Variants in VPS13A observed in about 807,000 individuals in gnomAD.
The protein encoded by VPS13A is intermembrane lipid transfer protein VPS13A.
Under a neutral mutation model 390.9 loss-of-function variants are expected in VPS13A, and 264 were observed. That is an observed-to-expected ratio of 0.68 (90% CI 0.61 to 0.75). The LOEUF is 0.75. VPS13A is among the 30% of genes least tolerant of loss of function. The pLI is 0.00. For missense variants in VPS13A, 3,409 were observed against 3,733.9 expected, an observed-to-expected ratio of 0.91 and a Z score of 2.27; for synonymous variants, 1,231 against 1,227.1, an observed-to-expected ratio of 1.00 and a Z score of -0.07.
At chr9:77,373,397 A>G (rs1452258230) in intron 67 of VPS13A, among the ~76,000 whole-genome samples, 3 of 136,312 alleles carry the variant, frequency 2.2e-5, no homozygotes, top group East Asian at 2.1e-4. Context: ...AGGATTCCCT[A>G]TTTAATAAAT....
At chr9:77,394,305 G>A (rs1433628573) in intron 68 of VPS13A, among the ~76,000 whole-genome samples, 1 of 151,606 alleles carries the variant, frequency 6.6e-6, no homozygotes, top group African/African-American at 2.4e-5. Flanking sequence ...GTGCTCAAGC[G>A]ATCCGCCCAC....
At chr9:77,181,087 A>G (rs111854201) in intron 1 of VPS13A, among the ~76,000 whole-genome samples, 2 of 152,356 alleles carry the variant, frequency 1.3e-5, no homozygotes, top group Non-Finnish European at 2.9e-5. Flanking sequence ...TGTTTTATTT[A>G]TAGAAATTGG....
chr9:77,345,279 A>G (rs1262122824), intron 52 of VPS13A, 137 bp downstream of exon 52: 3 of 983,374 alleles, frequency 3.1e-6, no homozygotes, highest in Admixed American at 4.6e-5. Context: ...CCATTAAAAA[A>G]TGTACTTGAA....
chr9:77,367,326 A>T (rs1292655479), intron 61 of VPS13A, among the ~76,000 whole-genome samples: 1 of 152,224 alleles, frequency 6.6e-6, no homozygotes, highest in African/African-American at 2.4e-5. Flanking sequence ...AGTCATAATG[A>T]AGCTTATAGA....
At chr9:77,209,012 A>G (rs1360846941) in intron 5 of VPS13A, among the ~76,000 whole-genome samples, 6 of 152,186 alleles carry the variant, frequency 3.9e-5, no homozygotes, top group South Asian at 2.1e-4. Flanking sequence ...AGGATATTCA[A>G]CTGTTTTACA....
intron 67 of VPS13A, among the ~76,000 whole-genome samples, chr9:77,375,277 G>T (rs1430582899): frequency 1.3e-5 from 2 of 152,030 alleles, no homozygotes; most frequent in Non-Finnish European, 2.9e-5. Flanking sequence ...ATTGAAGGAT[G>T]TACCTGTGAA....
At position 77,340,173 on chromosome 9, in the gene VPS13A, C is replaced by A. The variant is rs1830737547; in HGVS notation, c.6775-5C>A. ...TGTGATGTATTTGGAATATTTTTTT[C>A]CTAGGTTCAACTTATGGTAACTGAT... On this transcript the variant is annotated splice_region_variant and splice_polypyrimidine_tract_variant and intron_variant, in intron 48 of 71. Coordinates refer to ENST00000360280, the MANE Select transcript of VPS13A (RefSeq NM_033305.3). 2 of 1,611,406 alleles carry A rather than the reference C, an allele frequency of 1.2e-6. No individual in the cohort carries two copies.
In VPS13A at chr9:77,313,013, C is replaced by G. The variant is rs1829181002; in HGVS notation, c.4115-979C>G. On this transcript the variant is annotated intron_variant, in intron 35 of 71. Coordinates refer to ENST00000360280, the MANE Select transcript of VPS13A (RefSeq NM_033305.3). The stretch of plus-strand genomic sequence containing the variant: ...TATAGCAGACTTATTTATAGTAGCC[C>G]AAATCTGGAAACAACTCAAATGTTC... Among the ~76,000 whole-genome samples the G allele has an allele frequency of 2.6e-5, 4 of 151,972 alleles. No individual in the cohort carries two copies. In the South Asian group the frequency reaches 8.3e-4, roughly 32 times the overall value.
chr9:77,272,968 T>G (rs1038156427), intron 23 of VPS13A, among the ~76,000 whole-genome samples: 1 of 152,246 alleles, frequency 6.6e-6, no homozygotes, highest in African/African-American at 2.4e-5. Flanking sequence ...GACTTGTGTG[T>G]TCCTCACAGA....
intron 65 of VPS13A, 89 bp from the exon 66 acceptor site, chr9:77,370,801 G>C: frequency 5.2e-6 from 8 of 1,549,548 alleles, no homozygotes; most frequent in Non-Finnish European, 7.1e-6. Flanking sequence ...ATAAAAAGCA[G>C]AACTCTGTAT....
chr9:77,331,954 A>C (rs1243164208), intron 45 of VPS13A, 56 bp from the exon 46 acceptor site: 2 of 1,214,932 alleles, frequency 1.6e-6, no homozygotes, highest in African/African-American at 3.0e-5. Flanking sequence ...TTTTTTTTAC[A>C]CATCTTTAGA....
chr9:77,307,614 TACTA>T (rs1436339461), intron 34 of VPS13A, among the ~76,000 whole-genome samples: 7 of 152,174 alleles, frequency 4.6e-5, no homozygotes, highest in Admixed American at 4.6e-4. Context: ...ATGAGGTGCT[TACTA>T]ACCAAAAAAA....
intron 20 of VPS13A, 71 bp from the exon 21 acceptor site, chr9:77,250,026 A>T: frequency 6.5e-7 from 1 of 1,544,552 alleles, no homozygotes; most frequent in Non-Finnish European, 8.8e-7. Context: ...TTATAAGTCT[A>T]AAAATTAAAC....
intron 68 of VPS13A, among the ~76,000 whole-genome samples, chr9:77,384,186 A>G (rs1197085882): frequency 1.3e-5 from 2 of 151,788 alleles, no homozygotes; most frequent in Non-Finnish European, 3.0e-5. Flanking sequence ...AAAAAGATGT[A>G]TTCACTAAAT....
intron 71 of VPS13A, among the ~76,000 whole-genome samples, chr9:77,415,136 T>C (rs1835122084): frequency 6.6e-6 from 1 of 152,230 alleles, no homozygotes; most frequent in Admixed American, 6.5e-5. Context: ...GCATGACTTT[T>C]AGGCCACCTT....
intron 58 of VPS13A, 146 bp downstream of exon 58, chr9:77,359,548 TGG>T: frequency 1.2e-6 from 1 of 857,926 alleles, no homozygotes; most frequent in East Asian, 2.8e-5. Flanking sequence ...TATAATGTTG[TGG>T]CTCACGCCTG....
At chr9:77,369,989 A>G (rs531734893) in intron 63 of VPS13A, among the ~76,000 whole-genome samples, 6 of 152,334 alleles carry the variant, frequency 3.9e-5, no homozygotes, top group African/African-American at 1.4e-4. Flanking sequence ...TCATAAACTT[A>G]CAATATGGAC....
intron 62 of VPS13A, among the ~76,000 whole-genome samples, chr9:77,369,006 T>C (rs796965425): frequency 2.0e-5 from 3 of 152,234 alleles, no homozygotes; most frequent in African/African-American, 7.2e-5. Context: ...TGGTGGTGCA[T>C]GCCTGTAGTC....
At chr9:77,361,243 A>AT (rs1387984426) in intron 59 of VPS13A, among the ~76,000 whole-genome samples, 1 of 152,118 alleles carries the variant, frequency 6.6e-6, no homozygotes, top group African/African-American at 2.4e-5. Flanking sequence ...CATTTTCATC[A>AT]TCCCCAAAAG....
Sources: gnomAD v4.1 joint callset for allele counts (sites outside exome capture counted in the v4.1 genomes callset) on GRCh38, gnomAD v4.1.1 for gene constraint, MANE v1.5 for transcripts, NCBI Gene and HGNC (gene_info 2026-07-23, HGNC 2026-07-21) for gene names.